CHUK: variants seen among roughly 807,000 people sequenced by gnomAD.
CHUK encodes component of inhibitor of nuclear factor kappa B kinase complex, also known as inhibitor of nuclear factor kappa-B kinase subunit alpha.
Under a neutral mutation model 104.8 loss-of-function variants are expected in CHUK, and 35 were observed. That is an observed-to-expected ratio of 0.33 (90% CI 0.26 to 0.44). The LOEUF is 0.44. Ranked by LOEUF, CHUK falls within the 20% of genes least tolerant of loss-of-function variation. The probability of loss-of-function intolerance (pLI) is 1.00; values close to 1 mark genes in which losing one functional copy is unlikely to be tolerated. For missense variants in CHUK, 663 were observed against 902.7 expected (o/e 0.73, Z 3.40); for synonymous variants, 276 against 291.9 (o/e 0.95, Z 0.56).
At chr10:100,209,192 A>G (rs1258192716) in intron 10 of CHUK, among the ~76,000 whole-genome samples, 1 of 152,220 alleles carries the variant, frequency 6.6e-6, no homozygotes, top group Non-Finnish European at 1.5e-5. Context: ...TATAGCTTAG[A>G]AGATAAATAA....
Position 100,207,242 on chromosome 10 carries a change from C to A in CHUK, c.1219G>T (p.Val407Leu). The A allele has an allele frequency of 6.7e-7, 1 of 1,484,380 alleles. No individual in the cohort carries two copies. Among genetic ancestry groups the A allele is most frequent in the South Asian group, 1.1e-5 (1 of 88,426 alleles). 92.0% of individuals were successfully genotyped at this position (1,484,380 alleles called of 1,614,324 possible). The change falls in exon 11 of 21, where the codon GTA becomes TTA. Residue 407 changes from valine to leucine, a missense_variant. Physicochemically the swap from Val to Leu is conservative, Grantham distance 32. Coordinates refer to ENST00000370397, the MANE Select transcript of CHUK (RefSeq NM_001278.5). ...PFASRSLSDC[V>L]NYIVQDSKIQ... Reference sequence around the variant, plus strand: ...GGACTGGACTTACCAATATAATTTACACAATCAGATAAACTTCTGGAAGCA... The same window carrying A: ...GGACTGGACTTACCAATATAATTTAAACAATCAGATAAACTTCTGGAAGCA...
rs2134253321 is a variant in CHUK at position 100,225,931 on chromosome 10, A to C, written c.192T>G (p.Ile64Met). Residue 64 changes from isoleucine (I) to methionine (M), a missense_variant, in exon 2 of 21, where the codon ATT becomes ATG. Transcript: ENST00000370397. ...TCAAGGAATACACTTACTTCTTCAT[A>C]ATCTGGATTTCATGGCACCATCGTT... The part of the protein sequence containing the change: ...NRERWCHEIQ[I>M]MKKLNHANVV... 1.9e-6 allele frequency: 3 copies of C among 1,583,948 alleles called. No individual in the cohort carries two copies. Among genetic ancestry groups the C allele is most frequent in the South Asian group, 2.2e-5 (2 of 90,440 alleles).
intron 1 of CHUK, among the ~76,000 whole-genome samples, chr10:100,226,711 C>T (rs1846113228): frequency 6.6e-6 from 1 of 152,228 alleles, no homozygotes; most frequent in Admixed American, 6.5e-5. Flanking sequence ...AAACAGGCTA[C>T]ACTATGTTTC....
rs568692951 is a variant in CHUK at position 100,202,538 on chromosome 10, G to A, written c.1508-389C>T. 8.5e-5 allele frequency among the ~76,000 whole-genome samples: 13 copies of A among 152,232 alleles called. No individual in the cohort carries two copies. The South Asian group carries it at 2.7e-3, about 32-fold the overall frequency. ...ACCATAAGAAGCTAGAGAGAAACAAGGAAAGATTCTTCTCTACAGATTTCA... is the reference window on the plus strand; with the variant it reads ...ACCATAAGAAGCTAGAGAGAAACAAAGAAAGATTCTTCTCTACAGATTTCA... On this transcript the variant is annotated intron_variant, in intron 13 of 20. Transcript: ENST00000370397.
rs556757133 is a variant in CHUK, at chr10:100,194,473, G to A, written c.1778C>T (p.Thr593Ile). Residue 593 changes from threonine to isoleucine, a missense_variant, in exon 17 of 21, where the codon ACT becomes ATT. By Grantham distance (89) the Thr-to-Ile change is moderately conservative. This residue lies in a region of CHUK where 311 missense variants were observed against 393.4 expected (regional missense o/e 0.79). Transcript: ENST00000370397. ...GAGCACACGGTCCTGACTCTGCACA[G>A]TGTGCACAATGATTTTCACCATCTC... ...STEMVKIIVH[T>I]VQSQDRVLKE... 4 of 1,613,588 alleles carry A rather than the reference G, an allele frequency of 2.5e-6. No individual in the cohort carries two copies. In the South Asian group the frequency reaches 4.4e-5, roughly 18 times the overall value.
intron 4 of CHUK, among the ~76,000 whole-genome samples, chr10:100,221,430 G>A (rs141055847): frequency 0.012 from 1,780 of 151,952 alleles, 47 homozygotes; most frequent in African/African-American, 0.04. Context: ...GCTAGACTCC[G>A]TCTCAAAACA....
At chr10:100,202,240 G>T in intron 13 of CHUK, 91 bp from the exon 14 acceptor site, 1 of 838,428 alleles carries the variant, frequency 1.2e-6, no homozygotes. Context: ...CATCAAAGAT[G>T]TGTTATGAGT....
At chr10:100,187,933 C>G (rs890509281), downstream of CHUK, 7 of 152,216 alleles carry the variant, frequency 4.6e-5, no homozygotes, top group African/African-American at 1.7e-4. Flanking sequence ...ATCTTGCCAT[C>G]TAGCTTAATA....
chr10:100,205,319 G>C, intron 11 of CHUK, 120 bp from the exon 12 acceptor site: 1 of 1,049,436 alleles, frequency 9.5e-7, no homozygotes, highest in South Asian at 1.3e-5. Flanking sequence ...ATAGATGCTA[G>C]AAACTGATGC....
chr10:100,223,622 GA>G (rs550248492), intron 2 of CHUK, among the ~76,000 whole-genome samples: 3 of 149,854 alleles, frequency 2.0e-5, no homozygotes, highest in Admixed American at 6.6e-5. Flanking sequence ...AAAAAAAAAA[GA>G]AAAAAAGAAA....
chr10:100,202,050 G>T (rs999333894), intron 14 of CHUK, 38 bp downstream of exon 14: 2 of 1,435,358 alleles, frequency 1.4e-6, no homozygotes, highest in Non-Finnish European at 9.8e-7. Context: ...GAGACATCAA[G>T]AATTAATAAG....
At chr10:100,212,921 G>T (rs536754194) in intron 9 of CHUK, among the ~76,000 whole-genome samples, 4 of 149,786 alleles carry the variant, frequency 2.7e-5, no homozygotes, top group Admixed American at 6.7e-5. Flanking sequence ...CAGGAGAATC[G>T]CCTGAACCTG....
At chr10:100,196,789 C>T (rs377549865) in intron 16 of CHUK, among the ~76,000 whole-genome samples, 2 of 152,234 alleles carry the variant, frequency 1.3e-5, no homozygotes. Context: ...TCTATGAGGT[C>T]GTCACCTCTT....
At chr10:100,202,958 C>T (rs560479530) in intron 13 of CHUK, among the ~76,000 whole-genome samples, 1 of 152,232 alleles carries the variant, frequency 6.6e-6, no homozygotes, top group African/African-American at 2.4e-5. Flanking sequence ...CGTTCTACCC[C>T]ATGTTGCCCA....
At chr10:100,198,090 A>C (rs889344856) in intron 16 of CHUK, among the ~76,000 whole-genome samples, 1 of 152,156 alleles carries the variant, frequency 6.6e-6, no homozygotes, top group Non-Finnish European at 1.5e-5. Flanking sequence ...TTTTCCCTTA[A>C]AGTAATAAGT....
chr10:100,221,826 T>C (rs17112754), intron 4 of CHUK, among the ~76,000 whole-genome samples: 1 of 152,122 alleles, frequency 6.6e-6, no homozygotes, highest in African/African-American at 2.4e-5. Context: ...TTAGTAGAGA[T>C]GGGGTTTCAC....
intron 14 of CHUK, among the ~76,000 whole-genome samples, chr10:100,201,376 T>G (rs769471862): frequency 5.9e-5 from 9 of 152,114 alleles, no homozygotes; most frequent in Non-Finnish European, 1.0e-4. Flanking sequence ...CGGCATAATT[T>G]TGAGAGTGAA....
chr10:100,194,205 G>T, intron 17 of CHUK, 74 bp from the exon 18 acceptor site: 1 of 1,521,536 alleles, frequency 6.6e-7, no homozygotes, highest in East Asian at 2.3e-5. Flanking sequence ...AAACCCAGCT[G>T]AGGAAATGAA....
intron 11 of CHUK, among the ~76,000 whole-genome samples, chr10:100,205,576 G>C (rs1191270332): frequency 6.6e-6 from 1 of 152,096 alleles, no homozygotes; most frequent in Non-Finnish European, 1.5e-5. Context: ...TCTCCTCTGA[G>C]TCTTTCCTAC....
Sources: gnomAD v4.1 joint callset for allele counts (sites outside exome capture counted in the v4.1 genomes callset) on GRCh38, gnomAD v4.1.1 for gene constraint, gnomAD v4.1.1 regional missense constraint, MANE v1.5 for transcripts, NCBI Gene and HGNC (gene_info 2026-07-23, HGNC 2026-07-21) for gene names.